The following GRHL2 variants were observed in gnomAD, a reference collection of about 807,000 sequenced individuals.
The protein encoded by GRHL2 is grainyhead-like protein 2 homolog.
GRHL2 carries 21 observed loss-of-function variants against 83.8 expected under a neutral mutation model. The ratio of observed to expected loss-of-function variants is 0.25; its 90% CI spans 0.18 to 0.36. The LOEUF is 0.36. GRHL2 is among the 10% of genes least tolerant of loss of function. The pLI is 1.00. For missense variants in GRHL2, 623 were observed against 781.8 expected, an observed-to-expected ratio of 0.80 and a Z score of 2.42; for synonymous variants, 280 against 278.9, an observed-to-expected ratio of 1.00 and a Z score of -0.04.
chr8:101,536,589 G>T (rs1285321223), intron 1 of GRHL2, among the ~76,000 whole-genome samples: 3 of 152,196 alleles, frequency 2.0e-5, no homozygotes, highest in Non-Finnish European at 4.4e-5. Flanking sequence ...CAGCCAATAA[G>T]TGGTGCAGCC....
chr8:101,606,534 T>G (rs1040307179), intron 8 of GRHL2, among the ~76,000 whole-genome samples: 1 of 152,226 alleles, frequency 6.6e-6, no homozygotes, highest in Non-Finnish European at 1.5e-5. Context: ...AAGTAAAATG[T>G]TCTCATCTAT....
downstream of GRHL2, among the ~76,000 whole-genome samples, chr8:101,674,434 AC>A (rs1814259960): frequency 6.6e-6 from 1 of 152,192 alleles, no homozygotes; most frequent in South Asian, 2.1e-4. Context: ...AAACACCTCT[AC>A]GCAAATAAAC....
At chr8:101,497,600 A>C (rs1161969598) in intron 1 of GRHL2, among the ~76,000 whole-genome samples, 1 of 152,256 alleles carries the variant, frequency 6.6e-6, no homozygotes, top group Admixed American at 6.5e-5. Flanking sequence ...AACATATAAA[A>C]TATCATCTGA....
chr8:101,629,993 T>C (rs1813154902), intron 9 of GRHL2, among the ~76,000 whole-genome samples: 1 of 151,776 alleles, frequency 6.6e-6, no homozygotes, highest in African/African-American at 2.4e-5. Context: ...CACTATAAAA[T>C]CCCCCCCTTT....
chr8:101,509,752 G>A (rs902705073), intron 1 of GRHL2, among the ~76,000 whole-genome samples: 16 of 152,084 alleles, frequency 1.1e-4, no homozygotes, highest in Non-Finnish European at 1.5e-5. Flanking sequence ...CTAGTAGAAG[G>A]TTAAACTTAC....
chr8:101,576,512 G>T (rs1396675223), intron 6 of GRHL2, among the ~76,000 whole-genome samples: 1 of 152,146 alleles, frequency 6.6e-6, no homozygotes, highest in African/African-American at 2.4e-5. Flanking sequence ...GAGTCACCCG[G>T]CCCAGCCCTA....
chr8:101,524,063 A>G (rs774459176), intron 1 of GRHL2, among the ~76,000 whole-genome samples: 7 of 152,224 alleles, frequency 4.6e-5, no homozygotes, highest in Non-Finnish European at 1.0e-4. Flanking sequence ...AGTAGCTGCC[A>G]GGTTTCTGCA....
intron 7 of GRHL2, among the ~76,000 whole-genome samples, chr8:101,594,410 T>C (rs1234939487): frequency 6.6e-6 from 1 of 152,216 alleles, no homozygotes; most frequent in East Asian, 1.9e-4. Context: ...TGAGGAAGGC[T>C]CAACACCAGG....
At chr8:101,519,076 G>T (rs563653410) in intron 1 of GRHL2, among the ~76,000 whole-genome samples, 78 of 152,184 alleles carry the variant, frequency 5.1e-4, no homozygotes, top group Non-Finnish European at 8.7e-4. Context: ...GGTTTTATGG[G>T]AGAGTGGGTT....
At chr8:101,578,384 C>G (rs1277817894) in intron 7 of GRHL2, among the ~76,000 whole-genome samples, 1 of 152,132 alleles carries the variant, frequency 6.6e-6, no homozygotes, top group East Asian at 1.9e-4. Flanking sequence ...ACTGTCCTGG[C>G]TTCTCTCTGC....
chr8:101,628,022 C>T (rs1429017328), intron 9 of GRHL2, among the ~76,000 whole-genome samples: 1 of 152,146 alleles, frequency 6.6e-6, no homozygotes, highest in Non-Finnish European at 1.5e-5. Context: ...CAAGATTAAA[C>T]TGCAAGTGCT....
At chr8:101,631,584 G>C in intron 9 of GRHL2, 53 bp from the exon 10 acceptor site, 1 of 1,402,052 alleles carries the variant, frequency 7.1e-7, no homozygotes, top group Non-Finnish European at 1.0e-6. Context: ...CATGACTTTT[G>C]CATGCTCTGC....
At chr8:101,528,067 T>C (rs1810843888) in intron 1 of GRHL2, among the ~76,000 whole-genome samples, 2 of 152,324 alleles carry the variant, frequency 1.3e-5, no homozygotes, top group Non-Finnish European at 1.5e-5. Flanking sequence ...TCAAGTTTTT[T>C]TTCAGCTGTA....
At chr8:101,558,332 T>C (rs1338717902) in intron 3 of GRHL2, 87 bp from the exon 4 acceptor site, 9 of 1,470,048 alleles carry the variant, frequency 6.1e-6, no homozygotes, top group Non-Finnish European at 8.6e-6. Flanking sequence ...CATCCAATGA[T>C]TATTGCCTGC....
At chr8:101,658,247 G>GCCCCCAAACA (rs1813842158) in intron 14 of GRHL2, among the ~76,000 whole-genome samples, 1 of 152,202 alleles carries the variant, frequency 6.6e-6, no homozygotes, top group African/African-American at 2.4e-5. Context: ...TCTTTGTACT[G>GCCCCCAAACA]GATGGGGTCT....
chr8:101,678,236 C>A, the GRHL2 span, among the ~76,000 whole-genome samples: 6 of 152,108 alleles, frequency 3.9e-5, no homozygotes, highest in African/African-American at 1.4e-4. Flanking sequence ...GCACCGTGTG[C>A]GAGCCAAAGC....
chr8:101,555,962 A>AT (rs898301423), intron 3 of GRHL2, among the ~76,000 whole-genome samples: 29 of 150,282 alleles, frequency 1.9e-4, no homozygotes, highest in Middle Eastern at 3.4e-3. Flanking sequence ...TTGGAAGAAC[A>AT]TTTTTTTTTT....
intron 12 of GRHL2, 32 bp downstream of exon 12, chr8:101,636,960 C>T: frequency 6.2e-7 from 1 of 1,603,708 alleles, no homozygotes; most frequent in Non-Finnish European, 8.5e-7. Context: ...TTTCAACACT[C>T]CAAGTCAGCT....
At chr8:101,534,719 A>G (rs1811007331) in intron 1 of GRHL2, among the ~76,000 whole-genome samples, 1 of 152,130 alleles carries the variant, frequency 6.6e-6, no homozygotes, top group Non-Finnish European at 1.5e-5. Flanking sequence ...GTCTGGATAT[A>G]TTTTGAAAAT....
Sources: gnomAD v4.1 joint callset for allele counts (sites outside exome capture counted in the v4.1 genomes callset) on GRCh38, gnomAD v4.1.1 for gene constraint, MANE v1.5 for transcripts, NCBI Gene and HGNC (gene_info 2026-07-23, HGNC 2026-07-21) for gene names.